The following VIL1 variants were observed in gnomAD, a reference collection of about 807,000 sequenced individuals.
VIL1 encodes the protein villin-1.
In VIL1, 86 loss-of-function variants were observed where a neutral mutation model predicts 104.0. The ratio of observed to expected loss-of-function variants is 0.83; its 90% CI spans 0.69 to 0.99. VIL1 has a LOEUF of 0.99. VIL1 is among the 50% of genes least tolerant of loss of function. VIL1 has a pLI of 0.00. For synonymous variants in VIL1, 394 were observed against 412.6 expected (o/e 0.95, Z 0.55); for missense variants, 944 against 1,054.1 (o/e 0.90, Z 1.45).
intron 16 of VIL1, 40 bp from the exon 17 acceptor site, chr2:218,437,084 G>C (rs766684142): frequency 5.0e-6 from 8 of 1,598,804 alleles, no homozygotes; most frequent in Non-Finnish European, 6.8e-6. Flanking sequence ...GGGCCAGGGA[G>C]GACAGGAAGG....
intron 19 of VIL1, among the ~76,000 whole-genome samples, chr2:218,442,766 G>C (rs138224596): frequency 6.6e-6 from 1 of 152,256 alleles, no homozygotes; most frequent in East Asian, 1.9e-4. Context: ...TGAATCAAGG[G>C]ATCTACAGAA....
intron 16 of VIL1, among the ~76,000 whole-genome samples, 199 bp downstream of exon 16, chr2:218,436,825 C>T (rs142085270): frequency 6.6e-5 from 10 of 152,288 alleles, no homozygotes; most frequent in African/African-American, 1.9e-4. Flanking sequence ...CAGGGAAGAA[C>T]GTATTCTCTC....
At position 218,438,709 on chromosome 2, in the gene VIL1, T is replaced by A. The variant is rs1211783463; in HGVS notation, c.2212T>A (p.Trp738Arg). The change falls in exon 18 of 20, where the codon TGG becomes AGG. Residue 738 changes from tryptophan (W) to arginine (R), a missense_variant. Coordinates refer to ENST00000248444, the MANE Select transcript of VIL1 (RefSeq NM_007127.3). ...LKAELGNSRD[W>R]SQITAEVTSP... ...GGCGGAGCTTGGCAACTCTAGGGAC[T>A]GGAGCCAGATCACTGCTGTGAGTCC... The A allele has an allele frequency of 2.5e-6, 4 of 1,612,122 alleles. No homozygotes were observed. Among genetic ancestry groups the A allele is most frequent in the Non-Finnish European group, 3.4e-6 (4 of 1,179,630 alleles).
At chr2:218,447,048 G>T (rs1476519876) in intron 19 of VIL1, among the ~76,000 whole-genome samples, 2 of 152,310 alleles carry the variant, frequency 1.3e-5, no homozygotes, top group South Asian at 4.1e-4. Flanking sequence ...ACAGGTGTGA[G>T]CCAACGCGCC....
chr2:218,430,526 C>T (rs3821031), intron 9 of VIL1, among the ~76,000 whole-genome samples, 199 bp from the exon 10 acceptor site: 52,504 of 151,726 alleles, frequency 0.35, 9,479 homozygotes, highest in Non-Finnish European at 0.39. Flanking sequence ...AGGTTTCAGG[C>T]GGTATCAGAT....
At chr2:218,444,481 T>C (rs1480619195) in intron 19 of VIL1, among the ~76,000 whole-genome samples, 1 of 151,934 alleles carries the variant, frequency 6.6e-6, no homozygotes, top group African/African-American at 2.4e-5. Context: ...GGTTTCACTG[T>C]GTTAGCCAGG....
rs1689453203 is a variant in VIL1, at chr2:218,450,610, C to T, written c.*1274C>T. 1 of 152,512 alleles carries T rather than the reference C, an allele frequency of 6.6e-6. No homozygotes were observed. Among genetic ancestry groups the T allele is most frequent in the South Asian group, 2.1e-4 (1 of 4,834 alleles). The allele number at this position is 152,512 out of a possible 1,614,324, so 9.4% of individuals were successfully genotyped here. A position where few individuals can be genotyped will look rare whatever the true frequency, so the allele number is the denominator to read the frequency against. On this transcript the variant is annotated 3_prime_UTR_variant, in exon 20 of 20. Transcript: ENST00000248444. ...AAAGAAAAGCTCAAAGGGAGGGAAA[C>T]CTGGGGACAAGAGGTGTGCACACCC... is the stretch of plus-strand genomic sequence containing the variant.
chr2:218,438,735 G>C lies in VIL1; in HGVS notation c.2229+9G>C. The C allele has an allele frequency of 1.2e-6, 2 of 1,608,040 alleles. No homozygotes were observed. Among genetic ancestry groups the C allele is most frequent in the Non-Finnish European group, 1.7e-6 (2 of 1,178,244 alleles). On this transcript the variant is annotated intron_variant, in intron 18 of 19. Coordinates refer to ENST00000248444, the MANE Select transcript of VIL1 (RefSeq NM_007127.3). ...GGAGCCAGATCACTGCTGTGAGTCC[G>C]GGGCGGGGTGGCTGGGCCCTGCAGT... is the stretch of plus-strand genomic sequence containing the variant.
Position 218,451,096 on chromosome 2 carries a change from TATC to T in VIL1, c.*1762_*1764del, listed in dbSNP as rs1348581572. ...TATTTTTTCAGATGTTAATAAGACA[TATC>T]AGTAGAGACAAAATTAGGATTTTGA... On this transcript the variant is annotated 3_prime_UTR_variant, in exon 20 of 20. Transcript: ENST00000248444. 3 of 152,180 alleles carry T rather than the reference TATC, an allele frequency of 2.0e-5. No homozygotes were observed. The highest frequency in any genetic ancestry group is 6.6e-5 in the Admixed American group (1 of 15,266). The allele number at this position is 152,180 out of a possible 1,614,324, so 9.4% of individuals were successfully genotyped here.
chr2:218,436,201 T>G (rs1328080985), intron 15 of VIL1, among the ~76,000 whole-genome samples: 4 of 152,246 alleles, frequency 2.6e-5, no homozygotes, highest in Admixed American at 2.6e-4. Flanking sequence ...CAAAAGGGCA[T>G]GTACTGTAGT....
chr2:218,423,397 AAAG>A (rs1358232211), intron 1 of VIL1, among the ~76,000 whole-genome samples: 10 of 152,126 alleles, frequency 6.6e-5, no homozygotes, highest in East Asian at 5.8e-4. Flanking sequence ...TCCATCTCAA[AAAG>A]AAGAAGAAGA....
At chr2:218,442,354 G>A (rs1188623917) in intron 19 of VIL1, among the ~76,000 whole-genome samples, 1 of 152,188 alleles carries the variant, frequency 6.6e-6, no homozygotes, top group Non-Finnish European at 1.5e-5. Context: ...CACCAGGGCA[G>A]AGATATGAAT....
At chr2:218,435,582 TA>T (rs1367975302) in intron 15 of VIL1, 148 bp downstream of exon 15, 36 of 1,154,618 alleles carry the variant, frequency 3.1e-5, no homozygotes, top group Non-Finnish European at 4.0e-5. Flanking sequence ...ACAAGATGAA[TA>T]AAGGGCAGCC....
chr2:218,422,310 G>A (rs1292603864), intron 1 of VIL1, among the ~76,000 whole-genome samples: 2 of 152,194 alleles, frequency 1.3e-5, no homozygotes, highest in Admixed American at 6.6e-5. Flanking sequence ...CAAAGGTGAT[G>A]ACAGAAATGA....
rs115011610 is a variant in VIL1, at chr2:218,422,556, G to T, written c.-11-1212G>T. On this transcript the variant is annotated intron_variant, in intron 1 of 19. Transcript: ENST00000248444. ...CAGGCAATGATCAGAGACTGGGCAGGGCCTTACCTCCAACTCTAGAACGCC... is the reference window on the plus strand; with the variant it reads ...CAGGCAATGATCAGAGACTGGGCAGTGCCTTACCTCCAACTCTAGAACGCC... 5.2e-3 allele frequency among the ~76,000 whole-genome samples: 798 copies of T among 152,286 alleles called. 6 individuals carry two copies. Among genetic ancestry groups the T allele is most frequent in the African/African-American group, 0.018 (752 of 41,554 alleles).
At chr2:218,423,938 C>T (rs558687762) in intron 2 of VIL1, 85 bp downstream of exon 2, 26 of 1,487,396 alleles carry the variant, frequency 1.7e-5, no homozygotes, top group African/African-American at 9.7e-5. Flanking sequence ...GATTTCTCTT[C>T]GTTTCCTCTG....
chr2:218,445,754 G>T (rs1689354221), intron 19 of VIL1, among the ~76,000 whole-genome samples: 1 of 152,112 alleles, frequency 6.6e-6, no homozygotes, highest in Admixed American at 6.5e-5. Flanking sequence ...TGAAGGCAGG[G>T]AGATGATGTT....
rs768874816 is a variant in VIL1, at chr2:218,432,934, C to T, written c.1483C>T (p.Arg495Cys). Residue 495 changes from arginine to cysteine, a missense_variant, in exon 13 of 20, where the codon CGC becomes TGC. Arg to Cys is a radical substitution (Grantham distance 180). Coordinates refer to ENST00000248444, the MANE Select transcript of VIL1 (RefSeq NM_007127.3). Reference sequence around the variant, plus strand: ...TCATCTTATGTCCATCTTCAAGGGACGCATGGTGGTCTACCAGGTGTGGCT... The same window carrying T: ...TCATCTTATGTCCATCTTCAAGGGATGCATGGTGGTCTACCAGGTGTGGCT... ...PPHLMSIFKG[R>C]MVVYQGGTSR... 71 of 1,614,162 alleles carry T rather than the reference C, an allele frequency of 4.4e-5. 1 individual carries two copies. The highest frequency in any genetic ancestry group is 2.8e-4 in the Admixed American group (17 of 60,014).
At chr2:218,423,689 T>C in intron 1 of VIL1, 79 bp from the exon 2 acceptor site, 46 of 1,441,830 alleles carry the variant, frequency 3.2e-5, no homozygotes, top group Non-Finnish European at 4.5e-5. Flanking sequence ...CCTGGCACTG[T>C]TGGGAGTTCT....
Sources: allele counts gnomAD v4.1 joint callset (sites outside exome capture counted in the v4.1 genomes callset), GRCh38; gene constraint gnomAD v4.1.1; transcripts MANE v1.5; gene names NCBI Gene and HGNC (gene_info 2026-07-23, HGNC 2026-07-21).